KCNU1: variants seen among roughly 807,000 people sequenced by gnomAD.
KCNU1 encodes the protein potassium channel subfamily U member 1.
A neutral mutation model predicts 126.8 loss-of-function variants in KCNU1; 93 were observed. That is an observed-to-expected ratio of 0.73 (90% CI 0.62 to 0.87). The LOEUF (loss-of-function observed/expected upper bound fraction) is 0.87, where lower values mean the gene tolerates loss of function less well. Among genes scored for constraint, KCNU1 ranks in the 40% least tolerant of loss-of-function variants. KCNU1 has a pLI of 0.00. For missense variants in KCNU1, 1,330 were observed against 1,367.1 expected, an observed-to-expected ratio of 0.97 and a Z score of 0.43; for synonymous variants, 523 against 494.2, an observed-to-expected ratio of 1.06 and a Z score of -0.77.
At chr8:36,881,090 A>G (rs1366651459) in intron 19 of KCNU1, among the ~76,000 whole-genome samples, 1 of 152,184 alleles carries the variant, frequency 6.6e-6, no homozygotes, top group Non-Finnish European at 1.5e-5. Context: ...ACTGAAGGGC[A>G]ATGTGCCCTT....
chr8:36,925,446 C>T (rs188115652), intron 24 of KCNU1, among the ~76,000 whole-genome samples: 198 of 152,254 alleles, frequency 1.3e-3, no homozygotes, highest in Middle Eastern at 3.4e-3. Context: ...TAATGTTGTA[C>T]GCCACAGCAA....
intron 2 of KCNU1, among the ~76,000 whole-genome samples, chr8:36,803,735 G>A (rs898854992): frequency 1.6e-4 from 25 of 152,158 alleles, no homozygotes; most frequent in Non-Finnish European, 2.9e-5. Context: ...AAGATTAAAA[G>A]CCTCTAGAAG....
Position 36,813,664 on chromosome 8 carries a change from G to GT in KCNU1, c.733-536dup, listed in dbSNP as rs200724035. On this transcript the variant is annotated intron_variant, in intron 7 of 26. Transcript: ENST00000399881. ...AAATCAGAGGAAAATATTTTTAAAG[G>GT]TTTTTTTAAAAAAAAAATCACTGAA... Among the ~76,000 whole-genome samples, 318 of 139,380 alleles carry GT rather than the reference G, an allele frequency of 2.3e-3. 1 individual carries two copies. Among genetic ancestry groups the GT allele is most frequent in the African/African-American group, 8.9e-3 (307 of 34,556 alleles). 91.4% of individuals were successfully genotyped at this position (139,380 alleles called of 152,430 possible).
At position 36,837,027 on chromosome 8, in the gene KCNU1, G is replaced by A. The variant is rs192503752; in HGVS notation, c.1518+82G>A. 1.3e-5 allele frequency: 18 copies of A among 1,391,062 alleles called. No individual in the cohort carries two copies. In the East Asian group the frequency reaches 4.1e-4, roughly 32 times the overall value. The allele number at this position is 1,391,062 out of a possible 1,614,324, so 86.2% of individuals were successfully genotyped here. ...GATCAGAAATAGGAAAAAAATTTGA[G>A]AAAAGCATCAAGGCCCCAAGCAATG... On this transcript the variant is annotated intron_variant, in intron 14 of 26. Transcript: ENST00000399881.
chr8:36,896,761 A>G (rs372341348), intron 19 of KCNU1, among the ~76,000 whole-genome samples: 4 of 152,188 alleles, frequency 2.6e-5, no homozygotes, highest in Admixed American at 6.5e-5. Context: ...ATGATTGGGA[A>G]TCTATTTCAA....
chr8:36,820,875 C>A (rs1433344294), intron 10 of KCNU1, among the ~76,000 whole-genome samples: 1 of 152,102 alleles, frequency 6.6e-6, no homozygotes, highest in Non-Finnish European at 1.5e-5. Flanking sequence ...AAAGGGGCTG[C>A]AAAGAAGCTT....
chr8:36,799,458 A>AG (rs928158553), intron 2 of KCNU1, among the ~76,000 whole-genome samples: 33 of 140,100 alleles, frequency 2.4e-4, no homozygotes, highest in Middle Eastern at 3.6e-3. Flanking sequence ...TTTTTTTGGG[A>AG]GGGGGGGCAG....
rs1585470609 is a variant in KCNU1, at chr8:36,858,192, A to C, written c.1892-6212A>C. Among the ~76,000 whole-genome samples, 5 of 151,848 alleles carry C rather than the reference A, an allele frequency of 3.3e-5. No individual in the cohort carries two copies. The South Asian group carries it at 1.0e-3, about 32-fold the overall frequency. On this transcript the variant is annotated intron_variant, in intron 18 of 26. Coordinates refer to ENST00000399881, the MANE Select transcript of KCNU1 (RefSeq NM_001031836.3). ...CAAGGATGGCAAAAAAAAAAAAAAA[A>C]AAAAAAACTGTTCGTATGTAATTTC...
chr8:36,784,475 A>G lies in KCNU1; in HGVS notation c.65A>G (p.Glu22Gly). The change falls in exon 1 of 27, where the codon GAG (glutamate) becomes GGG (glycine). Residue 22 changes from glutamate to glycine, a missense_variant. By Grantham distance (98) the Glu-to-Gly change is moderately conservative. Coordinates refer to ENST00000399881, the MANE Select transcript of KCNU1 (RefSeq NM_001031836.3). ...TTGCCAAAAATGTCCTGCACAACTGAGATCCAAGCAGCATTCATTCTCTCT... is the reference window on the plus strand; with the variant it reads ...TTGCCAAAAATGTCCTGCACAACTGGGATCCAAGCAGCATTCATTCTCTCT... ...EDLPKMSCTTEIQAAFILSSF... is the reference protein window; with the variant it reads ...EDLPKMSCTTGIQAAFILSSF... 2 of 1,613,918 alleles carry G rather than the reference A, an allele frequency of 1.2e-6. No homozygotes were observed. Among genetic ancestry groups the G allele is most frequent in the Non-Finnish European group, 1.7e-6 (2 of 1,179,830 alleles).
chr8:36,881,849 A>C (rs1266492345), intron 19 of KCNU1, among the ~76,000 whole-genome samples: 1 of 141,988 alleles, frequency 7.0e-6, no homozygotes, highest in Non-Finnish European at 1.5e-5. Flanking sequence ...CACACATTCA[A>C]GTTTACTGGC....
chr8:36,911,008 C>A lies in KCNU1; in HGVS notation c.2410C>A (p.Pro804Thr). ...CSMCAVLSPP[P>T]QPSSNQTLVD... ...CATGTGTGCTGTCTTGTCCCCCCCACCCCAGCCATCAAGCAACCAGACTTT... is the reference window on the plus strand; with the variant it reads ...CATGTGTGCTGTCTTGTCCCCCCCAACCCAGCCATCAAGCAACCAGACTTT... The change falls in exon 22 of 27, where the codon CCC becomes ACC. Residue 804 changes from proline (P) to threonine (T), a missense_variant. Physicochemically the swap from Pro to Thr is conservative, Grantham distance 38. Around this residue, in one of 3 missense-constraint regions of KCNU1, gnomAD observed 1,054 missense variants for 1,053.9 expected, o/e 1.00. Transcript: ENST00000399881. The A allele has an allele frequency of 2.5e-6, 4 of 1,613,542 alleles. No individual in the cohort carries two copies. The highest frequency in any genetic ancestry group is 2.5e-6 in the Non-Finnish European group (3 of 1,179,674).
rs893343230 is a variant in KCNU1 at position 36,804,163 on chromosome 8, G to T, written c.377+75G>T. Reference sequence around the variant, plus strand: ...GGCTAATTTGGAATTTTCTCCTCAGGAATAATGCTTAATATACTTTCACAC... The same window carrying T: ...GGCTAATTTGGAATTTTCTCCTCAGTAATAATGCTTAATATACTTTCACAC... On this transcript the variant is annotated intron_variant, in intron 3 of 26. Transcript: ENST00000399881. The T allele has an allele frequency of 3.2e-6, 3 of 927,110 alleles. No individual in the cohort carries two copies. In the South Asian group the frequency reaches 4.3e-5, roughly 13 times the overall value. 57.4% of individuals were successfully genotyped at this position (927,110 alleles called of 1,614,324 possible). A position where few individuals can be genotyped will look rare whatever the true frequency, so the allele number is the denominator to read the frequency against.
In KCNU1 at chr8:36,817,739, C is replaced by A. The variant is rs1345043038; in HGVS notation, c.1085C>A (p.Thr362Asn). 2 of 1,601,664 alleles carry A rather than the reference C, an allele frequency of 1.2e-6. No homozygotes were observed. The highest frequency in any genetic ancestry group is 8.6e-7 in the Non-Finnish European group (1 of 1,168,822). Residue 362 changes from threonine to asparagine, a missense_variant, in exon 10 of 27, where the codon ACT (threonine) becomes AAT (asparagine). Physicochemically the swap from Thr to Asn is moderately conservative, Grantham distance 65 (BLOSUM62 0). Coordinates refer to ENST00000399881, the MANE Select transcript of KCNU1 (RefSeq NM_001031836.3). ...FLRDKSGEIN[T>N]EIVFLGETPP... ...CGCGACAAGTCAGGAGAGATCAACACTGAAATTGTTTTCCTGGGAGAGTAA... is the reference window on the plus strand; with the variant it reads ...CGCGACAAGTCAGGAGAGATCAACAATGAAATTGTTTTCCTGGGAGAGTAA...
chr8:36,908,703 C>T (rs997527566), intron 20 of KCNU1, among the ~76,000 whole-genome samples: 3 of 151,894 alleles, frequency 2.0e-5, no homozygotes, highest in East Asian at 1.9e-4. Context: ...ATGCACTTTG[C>T]GTGATGAATT....
intron 18 of KCNU1, among the ~76,000 whole-genome samples, chr8:36,852,103 AT>A (rs536054048): frequency 2.4e-4 from 36 of 151,284 alleles, no homozygotes; most frequent in African/African-American, 8.0e-4. Context: ...GATGTTTGTC[AT>A]TTTTTTTGCT....
intron 24 of KCNU1, among the ~76,000 whole-genome samples, chr8:36,924,092 G>T (rs1255699765): frequency 6.6e-6 from 1 of 152,168 alleles, no homozygotes; most frequent in Non-Finnish European, 1.5e-5. Context: ...GTACACCCCA[G>T]GGTGTTAAAG....
Position 36,918,899 on chromosome 8 carries a change from T to G in KCNU1, c.2596+2T>G. 6.3e-7 allele frequency: 1 copy of G among 1,581,082 alleles called. No homozygotes were observed. The highest frequency in any genetic ancestry group is 8.7e-7 in the Non-Finnish European group (1 of 1,151,288). On this transcript the variant is annotated splice_donor_variant, in intron 23 of 26. Coordinates refer to ENST00000399881, the MANE Select transcript of KCNU1 (RefSeq NM_001031836.3). LOFTEE classifies it high-confidence loss of function. Reference sequence around the variant, plus strand: ...AAGTCCCTATCCTTACTGAACTGAGTAAGTGGTGTTTCGAGGGGAAAATTC... The same window carrying G: ...AAGTCCCTATCCTTACTGAACTGAGGAAGTGGTGTTTCGAGGGGAAAATTC...
At chr8:36,912,146 C>G (rs952877765) in intron 22 of KCNU1, among the ~76,000 whole-genome samples, 6 of 152,140 alleles carry the variant, frequency 3.9e-5, no homozygotes, top group African/African-American at 1.4e-4. Flanking sequence ...CACAGCTGTC[C>G]CACTTTGCAT....
rs552219843 is a variant in KCNU1, at chr8:36,808,705, T to A, written c.657-13T>A. The A allele has an allele frequency of 6.4e-7, 1 of 1,572,850 alleles. No homozygotes were observed. The highest frequency in any genetic ancestry group is 8.7e-7 in the Non-Finnish European group (1 of 1,145,764). ...CTGTTAGACCCAACAGCTCTTTGTC[T>A]CTCTTCCTCTAGTAACTCAGTGAAG... On this transcript the variant is annotated splice_polypyrimidine_tract_variant and intron_variant, in intron 6 of 26. Transcript: ENST00000399881.
Sources: gnomAD v4.1 joint callset for allele counts (sites outside exome capture counted in the v4.1 genomes callset) on GRCh38, gnomAD v4.1.1 for gene constraint, gnomAD v4.1.1 regional missense constraint, MANE v1.5 for transcripts, NCBI Gene and HGNC (gene_info 2026-07-23, HGNC 2026-07-21) for gene names.